Variants in ZFHX4 observed in about 807,000 individuals in gnomAD.
The protein encoded by ZFHX4 is zinc finger homeobox protein 4.
ZFHX4 carries 56 observed loss-of-function variants against 267.6 expected under a neutral mutation model. That is an observed-to-expected ratio of 0.21 (90% confidence interval 0.17 to 0.26). ZFHX4 has a LOEUF of 0.26. ZFHX4 is among the 10% of genes least tolerant of loss of function. The pLI, the probability that ZFHX4 is intolerant of heterozygous loss-of-function variation, is 1.00. For synonymous variants in ZFHX4, 1,778 were observed against 1,665.6 expected (o/e 1.07, Z -1.64); for missense variants, 4,332 against 4,420.0 (o/e 0.98, Z 0.56).
chr8:76,855,265 G>C lies in ZFHX4; in HGVS notation c.8344G>C (p.Glu2782Gln). The part of the protein sequence containing the change: ...SFKAECSEDV[E>Q]NLNAPPAEAG... ...TAAAGCAGAGTGTTCTGAGGATGTA[G>C]AGAATTTAAATGCCCCTCCTGCTGA... Residue 2782 changes from glutamate (E) to glutamine (Q), a missense_variant, in exon 10 of 11, where the codon GAG (glutamate) becomes CAG (glutamine). Glu to Gln is a conservative substitution (Grantham distance 29). Transcript: ENST00000651372. 6.2e-7 allele frequency: 1 copy of C among 1,612,516 alleles called. No homozygotes were observed. The highest frequency in any genetic ancestry group is 1.1e-5 in the South Asian group (1 of 90,934).
chr8:76,824,755 G>T (rs1334903569), intron 4 of ZFHX4, among the ~76,000 whole-genome samples: 5 of 151,786 alleles, frequency 3.3e-5, no homozygotes, highest in Non-Finnish European at 5.9e-5. Flanking sequence ...TTCATGTTTT[G>T]TAGAGACAGG....
intron 4 of ZFHX4, among the ~76,000 whole-genome samples, chr8:76,795,000 T>C (rs761984906): frequency 1.5e-4 from 23 of 151,812 alleles, no homozygotes; most frequent in Non-Finnish European, 2.9e-4. Flanking sequence ...AGCCTGCAAG[T>C]AGAGAGTCAA....
chr8:76,787,719 A>C (rs916181599), intron 4 of ZFHX4, among the ~76,000 whole-genome samples: 1 of 151,320 alleles, frequency 6.6e-6, no homozygotes, highest in Admixed American at 6.6e-5. Flanking sequence ...AGGCTGAGGC[A>C]GGAGAATGGC....
chr8:76,753,640 T>C (rs1480886537), intron 3 of ZFHX4, among the ~76,000 whole-genome samples: 1 of 144,704 alleles, frequency 6.9e-6, no homozygotes, highest in African/African-American at 2.6e-5. Context: ...TTTTTTTTTT[T>C]TTTTTTTTTT....
At chr8:76,770,635 T>C (rs1466608823) in intron 3 of ZFHX4, among the ~76,000 whole-genome samples, 1 of 152,112 alleles carries the variant, frequency 6.6e-6, no homozygotes, top group Non-Finnish European at 1.5e-5. Context: ...ATTGTGCTAA[T>C]ATTTGATTAG....
intron 4 of ZFHX4, among the ~76,000 whole-genome samples, chr8:76,783,528 G>A (rs1370294941): frequency 1.3e-5 from 2 of 151,618 alleles, no homozygotes; most frequent in Non-Finnish European, 2.9e-5. Context: ...TCCCTATTTG[G>A]TGATACTGTG....
Position 76,864,329 on chromosome 8 carries a change from G to T in ZFHX4, c.10615G>T (p.Ala3539Ser), listed in dbSNP as rs780690860. Residue 3539 changes from alanine to serine, a missense_variant, in exon 11 of 11, where the codon GCT (alanine) becomes TCT (serine). By Grantham distance (99) the Ala-to-Ser change is moderately conservative (BLOSUM62 1). Transcript: ENST00000651372. ...ILFQASARRA[A>S]SPPSSPPSLS... ...TTTCCAAGCGTCTGCCAGGAGAGCTGCTTCTCCCCCTTCTTCTCCTCCTTC... is the reference window on the plus strand; with the variant it reads ...TTTCCAAGCGTCTGCCAGGAGAGCTTCTTCTCCCCCTTCTTCTCCTCCTTC... The T allele has an allele frequency of 6.2e-7, 1 of 1,613,766 alleles. No individual in the cohort carries two copies. The highest frequency in any genetic ancestry group is 1.7e-5 in the Admixed American group (1 of 59,982).
Position 76,849,722 on chromosome 8 carries a change from C to T in ZFHX4, c.3846+10C>T, listed in dbSNP as rs746311092. ...GAAGCTGCTTATGACAGTAAGGATA[C>T]CAAATATTGATGCATGTGTGACATA... On this transcript the variant is annotated intron_variant, in intron 8 of 10. Coordinates refer to ENST00000651372, the MANE Select transcript of ZFHX4 (RefSeq NM_024721.5). The T allele has an allele frequency of 6.2e-7, 1 of 1,608,476 alleles. No individual in the cohort carries two copies. The highest frequency in any genetic ancestry group is 1.7e-5 in the Admixed American group (1 of 59,844).
intron 10 of ZFHX4, among the ~76,000 whole-genome samples, chr8:76,861,401 T>C (rs1228616401): frequency 6.6e-6 from 1 of 152,204 alleles, no homozygotes; most frequent in Non-Finnish European, 1.5e-5. Flanking sequence ...AAAAATGGAA[T>C]GTTTAGCAGC....
At chr8:76,684,348 G>T (rs1394840114) in intron 1 of ZFHX4, among the ~76,000 whole-genome samples, 1 of 152,180 alleles carries the variant, frequency 6.6e-6, no homozygotes, top group Admixed American at 6.5e-5. Context: ...TGGCTAGCCA[G>T]CTGTTTTAAC....
intron 3 of ZFHX4, among the ~76,000 whole-genome samples, chr8:76,748,806 T>C (rs957296083): frequency 1.3e-5 from 2 of 152,214 alleles, no homozygotes; most frequent in African/African-American, 4.8e-5. Flanking sequence ...TCCTGCCTGC[T>C]ATGTACAAGG....
chr8:76,785,604 T>C (rs2131792752), intron 4 of ZFHX4, among the ~76,000 whole-genome samples: 1 of 152,308 alleles, frequency 6.6e-6, no homozygotes, highest in South Asian at 2.1e-4. Context: ...GGTAGGTTTG[T>C]GACCACTGAC....
chr8:76,863,127 T>C lies in ZFHX4; in HGVS notation c.9413T>C (p.Phe3138Ser). The C allele has an allele frequency of 6.5e-7, 1 of 1,534,854 alleles. No individual in the cohort carries two copies. Among genetic ancestry groups the C allele is most frequent in the South Asian group, 1.2e-5 (1 of 80,366 alleles). Residue 3138 changes from phenylalanine to serine, a missense_variant, in exon 11 of 11, where the codon TTT becomes TCT. Physicochemically the swap from Phe to Ser is radical, Grantham distance 155 (BLOSUM62 -2). Coordinates refer to ENST00000651372, the MANE Select transcript of ZFHX4 (RefSeq NM_024721.5). ...CCTCCCGGTGCAGGCATGCTTGGGT[T>C]TCCTACTTCAGCTACTTCGTCTCCT... ...LTPPGAGMLG[F>S]PTSATSSPAL... is the part of the protein sequence containing the mutation.
At chr8:76,832,887 G>T (rs949153002) in intron 4 of ZFHX4, among the ~76,000 whole-genome samples, 27 of 152,124 alleles carry the variant, frequency 1.8e-4, no homozygotes, top group Admixed American at 1.3e-4. Context: ...GCCCCCTCCA[G>T]TGCCTGATGT....
intron 3 of ZFHX4, among the ~76,000 whole-genome samples, chr8:76,775,545 C>G (rs1810379488): frequency 6.6e-6 from 1 of 152,152 alleles, no homozygotes; most frequent in Non-Finnish European, 1.5e-5. Context: ...CTTGCAGACT[C>G]GTGAGAAAAT....
At chr8:76,773,927 T>C (rs1810335593) in intron 3 of ZFHX4, among the ~76,000 whole-genome samples, 1 of 152,106 alleles carries the variant, frequency 6.6e-6, no homozygotes, top group South Asian at 2.1e-4. Flanking sequence ...TGTTTTTACC[T>C]GTGAGAAGAC....
At chr8:76,739,428 A>T (rs1809257954) in intron 3 of ZFHX4, among the ~76,000 whole-genome samples, 2 of 152,188 alleles carry the variant, frequency 1.3e-5, no homozygotes. Context: ...AAGAATCAAG[A>T]AACAAAAGAT....
At chr8:76,685,797 A>G (rs1458084170) in intron 1 of ZFHX4, among the ~76,000 whole-genome samples, 2 of 152,210 alleles carry the variant, frequency 1.3e-5, no homozygotes, top group Admixed American at 6.5e-5. Flanking sequence ...TAGGAGAGTA[A>G]TAATCAAGAG....
At chr8:76,766,629 C>A (rs1810057308) in intron 3 of ZFHX4, among the ~76,000 whole-genome samples, 1 of 151,906 alleles carries the variant, frequency 6.6e-6, no homozygotes, top group Non-Finnish European at 1.5e-5. Context: ...GCAGACCTTA[C>A]AAGCATCTAT....
Sources: gnomAD v4.1 joint callset for allele counts (sites outside exome capture counted in the v4.1 genomes callset) on GRCh38, gnomAD v4.1.1 for gene constraint, MANE v1.5 for transcripts, NCBI Gene and HGNC (gene_info 2026-07-23, HGNC 2026-07-21) for gene names.